The following ALPK2 variants were observed in gnomAD, a reference collection of about 807,000 sequenced individuals.
ALPK2 encodes the protein alpha kinase 2.
A neutral mutation model predicts 163.1 loss-of-function variants in ALPK2; 127 were observed. The ratio of observed to expected loss-of-function variants is 0.78; its 90% CI spans 0.67 to 0.90. The LOEUF (loss-of-function observed/expected upper bound fraction) is 0.90, where lower values mean the gene tolerates loss of function less well. ALPK2 is among the 40% of genes least tolerant of loss of function. The pLI is 0.00. For missense variants in ALPK2, 2,360 were observed against 2,589.6 expected, an observed-to-expected ratio of 0.91 and a Z score of 1.92; for synonymous variants, 953 against 959.1, an observed-to-expected ratio of 0.99 and a Z score of 0.12.
intron 3 of ALPK2, among the ~76,000 whole-genome samples, chr18:58,604,856 T>C (rs2052089774): frequency 6.6e-6 from 1 of 152,160 alleles, no homozygotes; most frequent in South Asian, 2.1e-4. Context: ...CCCAAGTTTC[T>C]CCTTCTGCTT....
intron 11 of ALPK2, among the ~76,000 whole-genome samples, chr18:58,499,253 C>T (rs2065010262): frequency 6.6e-6 from 1 of 152,200 alleles, no homozygotes; most frequent in African/African-American, 2.4e-5. Context: ...CCATTGCAAG[C>T]ATATGGAACC....
At position 58,534,921 on chromosome 18, in the gene ALPK2, T is replaced by A. The variant is rs1267409249; in HGVS notation, c.5266A>T (p.Lys1756Ter). The part of the protein sequence containing the change: ...ENIRKNSAFL[K>*]KMPKLETSLS... ...GATGTTTCGAGTTTGGGCATCTTTT[T>A]AAGAAAGGCTGAGTTCTTTCTGATA... Residue 1756 changes from lysine (K) to a stop codon, truncating the protein, a stop_gained, in exon 5 of 13, where the codon AAA becomes TAA. Transcript: ENST00000361673. LOFTEE classifies it high-confidence loss of function. 3 of 1,614,086 alleles carry A rather than the reference T, an allele frequency of 1.9e-6. No homozygotes were observed. Among genetic ancestry groups the A allele is most frequent in the Non-Finnish European group, 2.5e-6 (3 of 1,180,026 alleles).
At chr18:58,628,423 A>G (rs766575491) in intron 1 of ALPK2, among the ~76,000 whole-genome samples, 2 of 152,228 alleles carry the variant, frequency 1.3e-5, no homozygotes, top group Non-Finnish European at 2.9e-5. Flanking sequence ...AACTTTACAT[A>G]TCACTCGTTT....
chr18:58,554,053 A>G (rs1602215215), intron 4 of ALPK2, among the ~76,000 whole-genome samples: 1 of 151,286 alleles, frequency 6.6e-6, no homozygotes, highest in South Asian at 2.1e-4. Context: ...TAAAGGCGGG[A>G]TTTCCCCATG....
At chr18:58,553,467 C>T (rs2051770030) in intron 4 of ALPK2, among the ~76,000 whole-genome samples, 1 of 152,088 alleles carries the variant, frequency 6.6e-6, no homozygotes, top group African/African-American at 2.4e-5. Flanking sequence ...ACTTGATACA[C>T]CAAGTAAGTG....
chr18:58,542,315 C>T (rs753548493), intron 4 of ALPK2, among the ~76,000 whole-genome samples: 8 of 152,232 alleles, frequency 5.3e-5, no homozygotes, highest in Non-Finnish European at 7.3e-5. Context: ...GGCACTCACT[C>T]ACTGATACTA....
intron 8 of ALPK2, among the ~76,000 whole-genome samples, chr18:58,521,333 A>G (rs2051550036): frequency 6.6e-6 from 1 of 152,186 alleles, no homozygotes; most frequent in Non-Finnish European, 1.5e-5. Flanking sequence ...CAAGTGTCTG[A>G]GATGTGAATG....
chr18:58,524,687 G>C (rs2051575042), intron 6 of ALPK2, among the ~76,000 whole-genome samples: 1 of 152,146 alleles, frequency 6.6e-6, no homozygotes, highest in Non-Finnish European at 1.5e-5. Flanking sequence ...TGAGCATTTG[G>C]TATGTACCAG....
intron 2 of ALPK2, among the ~76,000 whole-genome samples, 190 bp from the exon 3 acceptor site, chr18:58,607,629 T>G (rs1322838795): frequency 1.3e-5 from 2 of 152,206 alleles, no homozygotes; most frequent in East Asian, 3.8e-4. Flanking sequence ...CAGACACTAT[T>G]GAGCATGTTA....
Position 58,598,066 on chromosome 18 carries a change from G to A in ALPK2, c.227+9256C>T, listed in dbSNP as rs142279657. 9.1e-3 allele frequency among the ~76,000 whole-genome samples: 1,389 copies of A among 152,334 alleles called. 19 individuals carry two copies. The highest frequency in any genetic ancestry group is 0.03 in the African/African-American group (1,236 of 41,574). On this transcript the variant is annotated intron_variant, in intron 3 of 12. Coordinates refer to ENST00000361673, the MANE Select transcript of ALPK2 (RefSeq NM_052947.4). ...CTGTTGTTTAGGCCACCCACACTAT[G>A]GTATTTTGGTAGGGTAGCTCAAGCT...
intron 3 of ALPK2, among the ~76,000 whole-genome samples, chr18:58,592,280 A>G (rs1255539029): frequency 1.3e-5 from 2 of 152,222 alleles, no homozygotes; most frequent in African/African-American, 4.8e-5. Context: ...TTTGGGTATT[A>G]AACAGGGAGC....
intron 12 of ALPK2, among the ~76,000 whole-genome samples, chr18:58,497,541 G>A (rs556536238): frequency 6.6e-6 from 1 of 152,260 alleles, no homozygotes; most frequent in East Asian, 1.9e-4. Context: ...TCAAAAACAG[G>A]TAACTAATCA....
chr18:58,601,795 G>C (rs536770120), intron 3 of ALPK2, among the ~76,000 whole-genome samples: 2 of 152,140 alleles, frequency 1.3e-5, no homozygotes, highest in Admixed American at 1.3e-4. Flanking sequence ...GAACCAGCCC[G>C]CCAGCCCACA....
Position 58,579,341 on chromosome 18 carries a change from A to G in ALPK2, c.1435T>C (p.Phe479Leu). The change falls in exon 4 of 13, where the codon TTT (phenylalanine) becomes CTT (leucine). Residue 479 changes from phenylalanine (F) to leucine (L), a missense_variant. Physicochemically the swap from Phe to Leu is conservative, Grantham distance 22. Transcript: ENST00000361673. ...ATGTTGAGCAGATTGTCACTGGCAA[A>G]TTCCTCTCTTGCTTGGTGGCTGTCT... Reference protein sequence around the residue: ...TRDSHQAREEFASDNLLNMDE... With the variant: ...TRDSHQAREELASDNLLNMDE... 1 of 1,614,026 alleles carries G rather than the reference A, an allele frequency of 6.2e-7. No individual in the cohort carries two copies. Among genetic ancestry groups the G allele is most frequent in the South Asian group, 1.1e-5 (1 of 91,064 alleles).
At position 58,580,564 on chromosome 18, in the gene ALPK2, T is replaced by C. The variant is rs1262094377; in HGVS notation, c.228-16A>G. ...TTTGGTACAGCTAGGATGAAGAGAATATATAGATAAGTTTGCCACATTTGG... is the reference window on the plus strand; with the variant it reads ...TTTGGTACAGCTAGGATGAAGAGAACATATAGATAAGTTTGCCACATTTGG... On this transcript the variant is annotated splice_polypyrimidine_tract_variant and intron_variant, in intron 3 of 12. Coordinates refer to ENST00000361673, the MANE Select transcript of ALPK2 (RefSeq NM_052947.4). 6.3e-7 allele frequency: 1 copy of C among 1,597,092 alleles called. No individual in the cohort carries two copies.
chr18:58,516,583 C>A (rs1027679549), intron 9 of ALPK2, among the ~76,000 whole-genome samples: 14 of 152,170 alleles, frequency 9.2e-5, no homozygotes, highest in Non-Finnish European at 2.9e-5. Flanking sequence ...AGAACCCCCA[C>A]TTTCCATATC....
chr18:58,498,180 G>T (rs2051410881), intron 11 of ALPK2, 83 bp from the exon 12 acceptor site: 1 of 1,279,152 alleles, frequency 7.8e-7, no homozygotes, highest in Non-Finnish European at 1.1e-6. Flanking sequence ...CAGGGAAGGG[G>T]TAATGACAGC....
rs1172263660 is a variant in ALPK2 at position 58,497,473 on chromosome 18, C to A, written c.6296+576G>T. Among the ~76,000 whole-genome samples the A allele has an allele frequency of 3.9e-5, 6 of 152,312 alleles. No individual in the cohort carries two copies. In the East Asian group the frequency reaches 1.2e-3, roughly 29 times the overall value. On this transcript the variant is annotated intron_variant, in intron 12 of 12. Transcript: ENST00000361673. ...CAGTAAAATGTGATCATAGCATCAT[C>A]TGTGTGTGCCTCACACTAAGCAAAG...
chr18:58,488,357 T>C (rs2051351145), intron 12 of ALPK2, among the ~76,000 whole-genome samples: 1 of 149,970 alleles, frequency 6.7e-6, no homozygotes, highest in Admixed American at 6.7e-5. Flanking sequence ...GATTCCTCTC[T>C]CCTCTCATCC....
Sources: allele counts gnomAD v4.1 joint callset (sites outside exome capture counted in the v4.1 genomes callset), GRCh38; gene constraint gnomAD v4.1.1; transcripts MANE v1.5; gene names NCBI Gene and HGNC (gene_info 2026-07-23, HGNC 2026-07-21).